ATRX: variants seen among roughly 807,000 people sequenced by gnomAD.
ATRX encodes chromatin remodeler ATRX.
Under a neutral mutation model 172.6 loss-of-function variants are expected in ATRX, and 12 were observed. That is an observed-to-expected ratio of 0.07 (90% confidence interval 0.04 to 0.11). ATRX has a LOEUF of 0.11. Ranked by LOEUF, ATRX falls within the 10% of genes least tolerant of loss-of-function variation. The probability of loss-of-function intolerance (pLI) is 1.00; values close to 1 mark genes in which losing one functional copy is unlikely to be tolerated. For synonymous variants in ATRX, 674 were observed against 594.7 expected (o/e 1.13, Z -1.94); for missense variants, 1,368 against 1,767.4 (o/e 0.77, Z 4.05).
At chrX:77,603,636 A>C (rs1557088565) in intron 22 of ATRX, among the ~76,000 whole-genome samples, 1 of 109,017 alleles carries the variant, frequency 9.2e-6, no homozygotes. Context: ...TCGGCCTCCC[A>C]AAGTACTAGG....
At chrX:77,632,091 C>T (rs979965682) in intron 19 of ATRX, among the ~76,000 whole-genome samples, 8 of 111,147 alleles carry the variant, frequency 7.2e-5, no homozygotes, top group Non-Finnish European at 1.3e-4. Context: ...CTCCAGCTCC[C>T]AGGTTTGAGC....
At chrX:77,739,466 C>T (rs1185954046) in intron 1 of ATRX, among the ~76,000 whole-genome samples, 1 of 108,712 alleles carries the variant, frequency 9.2e-6, no homozygotes, top group African/African-American at 3.4e-5. Flanking sequence ...AAATAAAACA[C>T]TTTATAAACA....
chrX:77,706,051 A>G (rs992470633), intron 2 of ATRX, among the ~76,000 whole-genome samples: 3 of 109,525 alleles, frequency 2.7e-5, no homozygotes, highest in East Asian at 5.7e-4. Flanking sequence ...CAGTGGTACA[A>G]TCATGGCTCA....
intron 28 of ATRX, among the ~76,000 whole-genome samples, chrX:77,572,516 G>C (rs782126321): frequency 9.0e-6 from 1 of 111,115 alleles, no homozygotes; most frequent in Non-Finnish European, 1.9e-5. Flanking sequence ...TAGTGAGTAA[G>C]CCAAGCTGAC....
intron 10 of ATRX, among the ~76,000 whole-genome samples, chrX:77,671,196 A>ATATATATATATATATAT (rs2070592866): frequency 1.1e-5 from 1 of 88,199 alleles, no homozygotes; most frequent in African/African-American, 4.1e-5. Context: ...ATATATATAT[A>ATATATATATATATATAT]AAACTAAGGC....
chrX:77,628,493 T>A (rs1406494712), intron 19 of ATRX, among the ~76,000 whole-genome samples: 1 of 112,727 alleles, frequency 8.9e-6, no homozygotes, highest in African/African-American at 3.2e-5. Flanking sequence ...ATTGGTGAAT[T>A]TTTTTACATA....
At position 77,725,057 on chromosome X, in the gene ATRX, A is replaced by G. The variant is rs1245935248; in HGVS notation, c.21-7814T>C. Among the ~76,000 whole-genome samples the G allele has an allele frequency of 2.7e-5, 3 of 112,110 alleles. No individual in the cohort carries two copies. The Admixed American group carries it at 2.9e-4, about 11-fold the overall frequency. On this transcript the variant is annotated intron_variant, in intron 1 of 34. Transcript: ENST00000373344. ...TGGTTGTTACTCTCTTCCTCCCTCT[A>G]CAAAAACTTGAAGCTGACTCAACCA...
rs1449076328 is a variant in ATRX, at chrX:77,682,210, T to G, written c.3046A>C (p.Thr1016Pro). Reference protein sequence around the residue: ...EQQYESSSDGTEKLPEREEIC... With the variant: ...EQQYESSSDGPEKLPEREEIC... ...TCTTCTCGCTCAGGTAACTTTTCAGTGCCATCAGATGAAGATTCATACTGT... is the reference window on the plus strand; with the variant it reads ...TCTTCTCGCTCAGGTAACTTTTCAGGGCCATCAGATGAAGATTCATACTGT... The change falls in exon 9 of 35, where the codon ACT (threonine) becomes CCT (proline). Residue 1016 changes from threonine (T) to proline (P), a missense_variant. Thr to Pro is a conservative substitution (Grantham distance 38). Coordinates refer to ENST00000373344, the MANE Select transcript of ATRX (RefSeq NM_000489.6). The G allele has an allele frequency of 1.2e-5, 14 of 1,208,783 alleles. No individual in the cohort carries two copies. Among genetic ancestry groups the G allele is most frequent in the Non-Finnish European group, 1.6e-5 (14 of 894,254 alleles).
intron 30 of ATRX, among the ~76,000 whole-genome samples, chrX:77,523,633 A>G (rs928431693): frequency 2.7e-5 from 3 of 111,536 alleles, no homozygotes; most frequent in Non-Finnish European, 5.7e-5. Flanking sequence ...TTTTTTAATT[A>G]CCACTTTTCA....
chrX:77,785,888 C>A, intron 1 of ATRX, 94 bp downstream of exon 1: 1 of 1,114,049 alleles, frequency 9.0e-7, no homozygotes, highest in Middle Eastern at 2.5e-4. Flanking sequence ...AACACACAGG[C>A]CTAACCCACC....
At chrX:77,631,434 A>G (rs2068102941) in intron 19 of ATRX, among the ~76,000 whole-genome samples, 1 of 111,334 alleles carries the variant, frequency 9.0e-6, no homozygotes, top group African/African-American at 3.3e-5. Flanking sequence ...TCCAATGAAC[A>G]GATGAGGGAC....
chrX:77,667,295 ATGTGTG>A (rs782297684), intron 10 of ATRX, among the ~76,000 whole-genome samples: 42,087 of 88,732 alleles, frequency 0.47, 8,248 homozygotes, highest in Non-Finnish European at 0.53. Context: ...ACGAATAAAT[ATGTGTG>A]TGTGTGTGTG....
chrX:77,708,387 G>A (rs1040069526), intron 2 of ATRX, among the ~76,000 whole-genome samples: 1 of 112,339 alleles, frequency 8.9e-6, no homozygotes, highest in Non-Finnish European at 1.9e-5. Flanking sequence ...TAGGCCAGGC[G>A]CAGTGGCTCA....
At chrX:77,625,188 CA>C (rs781970725) in intron 19 of ATRX, among the ~76,000 whole-genome samples, 2 of 112,209 alleles carry the variant, frequency 1.8e-5, no homozygotes, top group Non-Finnish European at 3.8e-5. Context: ...ATTGGCTACC[CA>C]CATGTAGGAG....
At chrX:77,758,840 T>C (rs188643578) in intron 1 of ATRX, among the ~76,000 whole-genome samples, 1 of 112,203 alleles carries the variant, frequency 8.9e-6, no homozygotes, top group Non-Finnish European at 1.9e-5. Context: ...ATTAAGATAC[T>C]GTGAATATTT....
chrX:77,572,421 T>C (rs144169655), intron 28 of ATRX, among the ~76,000 whole-genome samples: 83 of 111,460 alleles, frequency 7.4e-4, no homozygotes, highest in Admixed American at 7.2e-3. Context: ...CCCAAGCATT[T>C]TGGATAAGAA....
chrX:77,513,099 C>T (rs1251899261), intron 34 of ATRX, among the ~76,000 whole-genome samples: 2 of 109,410 alleles, frequency 1.8e-5, no homozygotes, highest in Admixed American at 1.9e-4. Flanking sequence ...GGGAGGATCA[C>T]AAGGTCAGGA....
In ATRX at chrX:77,717,177, A is replaced by C; in HGVS notation, c.87T>G (p.Ser29=). The change falls in exon 2 of 35, where the codon TCT becomes TCG. Residue 29 remains serine, a synonymous_variant. Coordinates refer to ENST00000373344, the MANE Select transcript of ATRX (RefSeq NM_000489.6). ...GTCGTGGAGGAGAACTTGTTTCTTC[A>C]GATTCTTCTGATGAGTGTGCAAGGA... ...HDFLAHSSEE[S]EETSSPPRLA... 1.7e-6 allele frequency: 2 copies of C among 1,211,302 alleles called. No homozygotes were observed. Among genetic ancestry groups the C allele is most frequent in the Non-Finnish European group, 2.2e-6 (2 of 895,105 alleles).
intron 19 of ATRX, among the ~76,000 whole-genome samples, chrX:77,627,919 C>A (rs1557104037): frequency 9.0e-6 from 1 of 110,920 alleles, no homozygotes; most frequent in African/African-American, 3.3e-5. Flanking sequence ...ATGTTTGTTA[C>A]CTTATATACT....
Sources: allele counts gnomAD v4.1 joint callset (sites outside exome capture counted in the v4.1 genomes callset), GRCh38; gene constraint gnomAD v4.1.1; transcripts MANE v1.5; gene names NCBI Gene and HGNC (gene_info 2026-07-23, HGNC 2026-07-21).